Variants in ARHGEF16 observed in about 807,000 individuals in gnomAD.
ARHGEF16 encodes Rho guanine nucleotide exchange factor 16, also known as Rho guanine exchange factor (GEF) 16.
A neutral mutation model predicts 74.1 loss-of-function variants in ARHGEF16; 59 were observed. The ratio of observed to expected loss-of-function variants is 0.80; its 90% CI spans 0.65 to 0.99. ARHGEF16 has a LOEUF of 0.99. Ranked by LOEUF, ARHGEF16 falls within the 50% of genes least tolerant of loss-of-function variation. The pLI, the probability that ARHGEF16 is intolerant of heterozygous loss-of-function variation, is 0.00. For synonymous variants in ARHGEF16, 415 were observed against 412.6 expected (o/e 1.01, Z -0.07); for missense variants, 948 against 986.6 (o/e 0.96, Z 0.52).
intron 1 of ARHGEF16, among the ~76,000 whole-genome samples, chr1:3,462,066 C>G (rs74050510): frequency 0.026 from 3,920 of 149,802 alleles, 160 homozygotes; most frequent in African/African-American, 0.09. Flanking sequence ...CTCGGGGGCA[C>G]GCGCTGCCAG....
At chr1:3,458,057 C>T (rs543748037) in intron 1 of ARHGEF16, among the ~76,000 whole-genome samples, 11 of 152,270 alleles carry the variant, frequency 7.2e-5, no homozygotes, top group African/African-American at 2.4e-4. Context: ...GTTCTTGGCA[C>T]GGAACACCAG....
chr1:3,456,102 C>T (rs1211668839), intron 1 of ARHGEF16, among the ~76,000 whole-genome samples: 1 of 152,176 alleles, frequency 6.6e-6, no homozygotes, highest in African/African-American at 2.4e-5. Context: ...GATGGGCCCT[C>T]CCTCCACCTG....
intron 1 of ARHGEF16, among the ~76,000 whole-genome samples, chr1:3,459,479 T>C (rs1253107932): frequency 6.6e-6 from 1 of 152,146 alleles, no homozygotes; most frequent in Non-Finnish European, 1.5e-5. Context: ...CCCATGTGGC[T>C]TCCTGGGACA....
chr1:3,465,312 A>G (rs896096738), intron 2 of ARHGEF16, among the ~76,000 whole-genome samples: 7 of 152,170 alleles, frequency 4.6e-5, no homozygotes, highest in Non-Finnish European at 1.0e-4. Context: ...CTGGGAGCAC[A>G]GAGGAGGGGG....
intron 1 of ARHGEF16, among the ~76,000 whole-genome samples, chr1:3,455,884 A>G (rs1639255694): frequency 1.3e-5 from 2 of 152,156 alleles, no homozygotes; most frequent in African/African-American, 4.8e-5. Flanking sequence ...ATGTTGACCC[A>G]CAAGTGTGCC....
At chr1:3,464,759 CCCTCTGGGCAT>C (rs1639497274) in intron 2 of ARHGEF16, among the ~76,000 whole-genome samples, 2 of 152,204 alleles carry the variant, frequency 1.3e-5, no homozygotes, top group African/African-American at 2.4e-5. Flanking sequence ...ATCACAGCCG[CCCTCTGGGCAT>C]CCTCTGGGCA....
At chr1:3,478,396 G>T (rs199906377) in intron 11 of ARHGEF16, 28 bp from the exon 12 acceptor site, 3 of 1,566,920 alleles carry the variant, frequency 1.9e-6, no homozygotes, top group Admixed American at 1.7e-5. Flanking sequence ...GGGTGGGACC[G>T]TCCCACCGAC....
chr1:3,461,177 T>C (rs145580531), intron 1 of ARHGEF16, among the ~76,000 whole-genome samples: 256 of 152,360 alleles, frequency 1.7e-3, no homozygotes, highest in African/African-American at 5.8e-3. Context: ...TGTTTTTATC[T>C]TTATTTTTTA....
chr1:3,479,799 C>T lies in ARHGEF16; in HGVS notation c.1889-13C>T, dbSNP rs1302313525. The T allele has an allele frequency of 1.2e-6, 2 of 1,611,204 alleles. No individual in the cohort carries two copies. Among genetic ancestry groups the T allele is most frequent in the African/African-American group, 2.7e-5 (2 of 74,916 alleles). On this transcript the variant is annotated splice_polypyrimidine_tract_variant and intron_variant, in intron 13 of 14. Coordinates refer to ENST00000378378, the MANE Select transcript of ARHGEF16 (RefSeq NM_014448.4). ...CCTCCCGACAGCCCTGTGATGGCCA[C>T]TGCCCTATGCAGACCTGCCCCAGGT...
At chr1:3,462,998 G>A in intron 1 of ARHGEF16, 68 bp from the exon 2 acceptor site, 2 of 1,146,120 alleles carry the variant, frequency 1.7e-6, no homozygotes, top group South Asian at 1.7e-5. Flanking sequence ...CAAAGGGGTA[G>A]GGGGGTGGAC....
At chr1:3,479,994 A>G in intron 14 of ARHGEF16, 81 bp downstream of exon 14, 1 of 1,408,346 alleles carries the variant, frequency 7.1e-7, no homozygotes, top group South Asian at 1.2e-5. Flanking sequence ...CCAGGTCCAG[A>G]GCATGCCGGG....
intron 10 of ARHGEF16, among the ~76,000 whole-genome samples, chr1:3,476,759 C>G (rs2100757761): frequency 6.6e-6 from 1 of 152,204 alleles, no homozygotes; most frequent in East Asian, 1.9e-4. Flanking sequence ...AAGTGGGTGA[C>G]AGGCCACCAG....
Position 3,467,487 on chromosome 1 carries a change from G to A in ARHGEF16, c.804+150G>A, listed in dbSNP as rs1003571592. ...GGGCAGCCTTCCCAGAAGCCCCTCG[G>A]CTGTGGGTGGCAGACCTGGGGGTCT... On this transcript the variant is annotated intron_variant, in intron 4 of 14. Transcript: ENST00000378378. The A allele has an allele frequency of 2.2e-5, 21 of 975,184 alleles. No homozygotes were observed. The East Asian group carries it at 5.3e-4, about 25-fold the overall frequency. The allele number at this position is 975,184 out of a possible 1,614,324, so 60.4% of individuals were successfully genotyped here.
intron 11 of ARHGEF16, 156 bp downstream of exon 11, chr1:3,478,182 G>T: frequency 8.9e-7 from 1 of 1,128,374 alleles, no homozygotes. Flanking sequence ...TGACACTCGG[G>T]GGCAGGTGGC....
chr1:3,464,299 C>T (rs1313361840), intron 2 of ARHGEF16, among the ~76,000 whole-genome samples: 1 of 152,196 alleles, frequency 6.6e-6, no homozygotes, highest in Non-Finnish European at 1.5e-5. Flanking sequence ...GGCTCCTGGG[C>T]CCAGTGTCCC....
intron 4 of ARHGEF16, chr1:3,468,455 C>A (rs995665539): frequency 4.7e-6 from 1 of 211,422 alleles, no homozygotes. Flanking sequence ...AACAGCGTCA[C>A]CCATAGCTTC....
intron 10 of ARHGEF16, among the ~76,000 whole-genome samples, chr1:3,477,528 C>T (rs1332756697): frequency 2.7e-5 from 4 of 150,594 alleles, no homozygotes; most frequent in African/African-American, 9.8e-5. Context: ...GCCTAGGAGG[C>T]CCAGCGTCTG....
chr1:3,463,135 C>G lies in ARHGEF16; in HGVS notation c.51C>G (p.His17Gln). ...DSSLEEKLLG[H>Q]RFHSELRLDA... The stretch of plus-strand genomic sequence containing the variant: ...CCTTGGAGGAGAAGCTCCTGGGACA[C>G]CGCTTCCACTCGGAGCTCCGGCTCG... The change falls in exon 2 of 15, where the codon CAC becomes CAG. Residue 17 changes from histidine to glutamine, a missense_variant. Physicochemically the swap from His to Gln is conservative, Grantham distance 24. Coordinates refer to ENST00000378378, the MANE Select transcript of ARHGEF16 (RefSeq NM_014448.4). 6.7e-7 allele frequency: 1 copy of G among 1,484,272 alleles called. No individual in the cohort carries two copies. 91.9% of individuals were successfully genotyped at this position (1,484,272 alleles called of 1,614,324 possible). A position where few individuals can be genotyped will look rare whatever the true frequency, so the allele number is the denominator to read the frequency against.
chr1:3,477,828 C>A, intron 10 of ARHGEF16, 47 bp from the exon 11 acceptor site: 2 of 1,599,488 alleles, frequency 1.3e-6, no homozygotes, highest in Non-Finnish European at 1.7e-6. Flanking sequence ...GCTCTGTCCC[C>A]CCCAGTCCCT....
Sources: gnomAD v4.1 joint callset for allele counts (sites outside exome capture counted in the v4.1 genomes callset) on GRCh38, gnomAD v4.1.1 for gene constraint, MANE v1.5 for transcripts, NCBI Gene and HGNC (gene_info 2026-07-23, HGNC 2026-07-21) for gene names.